The following SNRK variants were observed in gnomAD, a reference collection of about 807,000 sequenced individuals.
SNRK encodes SNF-related serine/threonine-protein kinase.
SNRK carries 3 observed loss-of-function variants against 48.2 expected under a neutral mutation model. The ratio of observed to expected loss-of-function variants is 0.06; its 90% CI spans 0.03 to 0.16. SNRK has a LOEUF of 0.16. Among genes scored for constraint, SNRK ranks in the 10% least tolerant of loss-of-function variants. The pLI is 1.00. For synonymous variants in SNRK, 376 were observed against 366.1 expected (o/e 1.03, Z -0.31); for missense variants, 627 against 976.0 (o/e 0.64, Z 4.76).
chr3:43,296,438 A>ATATATATATATATATG (rs2090856378), intron 1 of SNRK, among the ~76,000 whole-genome samples: 2 of 145,836 alleles, frequency 1.4e-5, no homozygotes, highest in African/African-American at 5.1e-5. Flanking sequence ...ATATATGTAT[A>ATATATATATATATATG]TATATATATT....
chr3:43,313,544 G>C, intron 3 of SNRK, among the ~76,000 whole-genome samples: 1 of 152,158 alleles, frequency 6.6e-6, no homozygotes, highest in Non-Finnish European at 1.5e-5. Context: ...ATTAGAGATC[G>C]TGGTGGGTGG....
intron 2 of SNRK, among the ~76,000 whole-genome samples, chr3:43,300,168 G>A (rs2090888198): frequency 6.6e-6 from 1 of 152,066 alleles, no homozygotes; most frequent in Non-Finnish European, 1.5e-5. Context: ...TCACTATAGG[G>A]TACTCATTGT....
chr3:43,296,416 A>ATATATATATATATATGTATATATATATG (rs2090853943), intron 1 of SNRK, among the ~76,000 whole-genome samples: 1 of 8,710 alleles, frequency 1.1e-4, no homozygotes, highest in African/African-American at 1.3e-4. Context: ...ATATACTGGC[A>ATATATATATATATATGTATATATATATG]TATATATATA....
Position 43,347,963 on chromosome 3 carries a change from TAGC to T in SNRK, c.1708_1710del (p.Ser570del), listed in dbSNP as rs1257825948. 2 of 1,613,990 alleles carry T rather than the reference TAGC, an allele frequency of 1.2e-6. No homozygotes were observed. The highest frequency in any genetic ancestry group is 2.2e-5 in the East Asian group (1 of 44,844). On this transcript the variant is annotated inframe_deletion, in exon 7 of 7. Transcript: ENST00000296088. The surrounding 1 kb of genome is among the most constrained non-coding windows in gnomAD (Gnocchi z 5.4). ...TCACCTACTCCTGGCACCGACGGGA[TAGC>T]AGCGAGGGGCCCCCTGGCAGTGAGG...
chr3:43,328,591 A>G (rs1206589783), intron 3 of SNRK, among the ~76,000 whole-genome samples: 5 of 152,180 alleles, frequency 3.3e-5, no homozygotes, highest in East Asian at 1.9e-4. Flanking sequence ...TTGTGGAGGA[A>G]TATGGTGGAT....
At position 43,347,632 on chromosome 3, in the gene SNRK, C is replaced by A; in HGVS notation, c.1373C>A (p.Pro458His). ...GAGGAAGATGAGGAGGACAAGAAAC[C>A]CATGTCCCTCTCAACACAAGTGGTT... ...DEEEDEEDKK[P>H]MSLSTQVVLR... The change falls in exon 7 of 7, where the codon CCC (proline) becomes CAC (histidine). Residue 458 changes from proline (P) to histidine (H), a missense_variant. Transcript: ENST00000296088. The surrounding 1 kb of genome is among the most constrained non-coding windows in gnomAD (Gnocchi z 5.4). 1 of 1,613,838 alleles carries A rather than the reference C, an allele frequency of 6.2e-7. No homozygotes were observed. Among genetic ancestry groups the A allele is most frequent in the Non-Finnish European group, 8.5e-7 (1 of 1,179,998 alleles).
At chr3:43,309,756 A>G (rs1400496058) in intron 3 of SNRK, among the ~76,000 whole-genome samples, 1 of 152,122 alleles carries the variant, frequency 6.6e-6, no homozygotes, top group Non-Finnish European at 1.5e-5. Context: ...AATTGGGACT[A>G]CAGGCGTGCA....
chr3:43,288,683 C>T (rs2090786271), intron 1 of SNRK, among the ~76,000 whole-genome samples: 1 of 152,152 alleles, frequency 6.6e-6, no homozygotes, highest in South Asian at 2.1e-4. Flanking sequence ...CTTGTCTAAT[C>T]CTAAGAGCTC....
chr3:43,302,993 T>C (rs1300896223), intron 2 of SNRK, 105 bp from the exon 3 acceptor site: 1 of 443,948 alleles, frequency 2.3e-6, no homozygotes, highest in Non-Finnish European at 4.0e-6. Flanking sequence ...CAATTTATTT[T>C]CTTCAAGTTT....
chr3:43,319,852 C>T (rs2125631386), intron 3 of SNRK, among the ~76,000 whole-genome samples: 1 of 152,150 alleles, frequency 6.6e-6, no homozygotes, highest in East Asian at 1.9e-4. Flanking sequence ...TTAATGAGTC[C>T]TAGACTCTTA....
At chr3:43,324,207 TAATA>T (rs1206248426) in intron 3 of SNRK, among the ~76,000 whole-genome samples, 1 of 152,226 alleles carries the variant, frequency 6.6e-6, no homozygotes, top group African/African-American at 2.4e-5. Flanking sequence ...CACAGGCTGC[TAATA>T]AATCTTACTG....
intron 1 of SNRK, among the ~76,000 whole-genome samples, chr3:43,297,291 C>T (rs1301940609): frequency 1.3e-5 from 2 of 152,062 alleles, no homozygotes; most frequent in Admixed American, 6.5e-5. Context: ...CATAGATGAG[C>T]GTATAGGTGA....
chr3:43,347,772 C>G lies in SNRK; in HGVS notation c.1513C>G (p.Leu505Val). 6.2e-7 allele frequency: 1 copy of G among 1,614,184 alleles called. No homozygotes were observed. The highest frequency in any genetic ancestry group is 8.5e-7 in the Non-Finnish European group (1 of 1,180,040). The change falls in exon 7 of 7, where the codon CTG (leucine) becomes GTG (valine). Residue 505 changes from leucine (L) to valine (V), a missense_variant. Coordinates refer to ENST00000296088, the MANE Select transcript of SNRK (RefSeq NM_017719.5). This position sits in a 1 kb window ranked among gnomAD's most constrained non-coding sequence, Gnocchi z 5.4. ...SDDEFDMDEN[L>V]PPKLSRLKMN... ...CGATGAGTTTGACATGGATGAGAAT[C>G]TGCCTCCCAAGTTGAGCAGGTTAAA...
intron 3 of SNRK, among the ~76,000 whole-genome samples, chr3:43,312,405 C>A (rs1257930842): frequency 6.6e-6 from 1 of 152,134 alleles, no homozygotes. Flanking sequence ...AACTAGACAT[C>A]TTTTCTTTAT....
chr3:43,300,804 C>T (rs1195877242), intron 2 of SNRK, among the ~76,000 whole-genome samples: 1 of 152,160 alleles, frequency 6.6e-6, no homozygotes, highest in Non-Finnish European at 1.5e-5. Context: ...CACACCTAGG[C>T]ATTGTATCAG....
chr3:43,343,244 C>T, intron 5 of SNRK, 100 bp from the exon 6 acceptor site: 2 of 1,373,858 alleles, frequency 1.5e-6, no homozygotes. Flanking sequence ...AGATTCCAGC[C>T]ATTGAATTTA....
rs187305147 is a variant in SNRK, at chr3:43,347,478, C to A, written c.1219C>A (p.Leu407Met). ...SVLNGHRSKG[L>M]CDSAKKDDLP... ...CCTCAATGGCCACAGGAGCAAAGGC[C>A]TGTGTGACTCAGCTAAGAAAGATGA... The change falls in exon 7 of 7, where the codon CTG (leucine) becomes ATG (methionine). Residue 407 changes from leucine (L) to methionine (M), a missense_variant. Transcript: ENST00000296088. This position sits in a 1 kb window ranked among gnomAD's most constrained non-coding sequence, Gnocchi z 5.4. The A allele has an allele frequency of 4.3e-6, 7 of 1,613,934 alleles. 1 individual carries two copies. In the South Asian group the frequency reaches 6.6e-5, roughly 15 times the overall value.
chr3:43,310,891 G>C (rs1048974884), intron 3 of SNRK, among the ~76,000 whole-genome samples: 1 of 152,100 alleles, frequency 6.6e-6, no homozygotes, highest in Non-Finnish European at 1.5e-5. Context: ...GCTTCTGTTT[G>C]ATGAACTTGG....
intron 3 of SNRK, among the ~76,000 whole-genome samples, chr3:43,331,695 T>C (rs1274851656): frequency 6.6e-6 from 1 of 152,200 alleles, no homozygotes; most frequent in African/African-American, 2.4e-5. Flanking sequence ...TTAATTTTCT[T>C]GCGTATAAAA....
Sources: allele counts gnomAD v4.1 joint callset (sites outside exome capture counted in the v4.1 genomes callset), GRCh38; gene constraint gnomAD v4.1.1; non-coding constraint Gnocchi (gnomAD v3.1); transcripts MANE v1.5; gene names NCBI Gene and HGNC (gene_info 2026-07-23, HGNC 2026-07-21).